UMAD1: variants seen among roughly 807,000 people sequenced by gnomAD.
UMAD1 encodes UBAP1-MVB12-associated (UMA)-domain containing protein 1.
Under a neutral mutation model 6.1 loss-of-function variants are expected in UMAD1, and 8 were observed. The ratio of observed to expected loss-of-function variants is 1.30; its 90% confidence interval spans 0.76 to 2.35. UMAD1 has a LOEUF of 2.35. Among genes scored for constraint, UMAD1 ranks in the 30% most tolerant of loss-of-function variants. UMAD1 has a pLI of 0.00. For missense variants in UMAD1, 130 were observed against 78.4 expected, an observed-to-expected ratio of 1.66 and a Z score of -2.49; for synonymous variants, 56 against 31.4, an observed-to-expected ratio of 1.78 and a Z score of -2.61.
chr7:7,694,017 C>A (rs1780244167), intron 2 of UMAD1, among the ~76,000 whole-genome samples: 1 of 152,062 alleles, frequency 6.6e-6, no homozygotes, highest in Admixed American at 6.5e-5. Flanking sequence ...TGATATAAGG[C>A]AACTGAGTTT....
At chr7:7,715,242 C>G (rs1228681685) in intron 2 of UMAD1, 1 of 152,072 alleles carries the variant, frequency 6.6e-6, no homozygotes, top group Non-Finnish European at 1.5e-5. Flanking sequence ...ACAAAGTGAA[C>G]TACAAGTAGG....
chr7:7,747,733 G>T (rs1781599148), intron 2 of UMAD1, among the ~76,000 whole-genome samples: 1 of 152,026 alleles, frequency 6.6e-6, no homozygotes, highest in South Asian at 2.1e-4. Context: ...AATCTTCATT[G>T]TTACCTGCTA....
chr7:7,654,902 CAA>C (rs71010994), intron 1 of UMAD1, among the ~76,000 whole-genome samples: 30 of 139,408 alleles, frequency 2.2e-4, no homozygotes, highest in Non-Finnish European at 2.2e-4. Context: ...GACTCTGTCT[CAA>C]AAAAAAAAAA....
At chr7:7,820,275 T>G (rs1469317406) in intron 3 of UMAD1, among the ~76,000 whole-genome samples, 1 of 152,130 alleles carries the variant, frequency 6.6e-6, no homozygotes, top group Non-Finnish European at 1.5e-5. Context: ...TTCTGACGTA[T>G]TTAACTTAAT....
intron 2 of UMAD1, among the ~76,000 whole-genome samples, chr7:7,705,969 T>C (rs764322485): frequency 3.3e-5 from 5 of 152,160 alleles, no homozygotes; most frequent in Non-Finnish European, 7.4e-5. Flanking sequence ...AAATAACCTC[T>C]GCTTTAAAAA....
At chr7:7,657,453 G>A (rs936994799) in intron 1 of UMAD1, among the ~76,000 whole-genome samples, 21 of 152,080 alleles carry the variant, frequency 1.4e-4, no homozygotes, top group Admixed American at 3.9e-4. Context: ...TACGTCTTAC[G>A]TTTAGGTCTT....
chr7:7,785,607 T>C (rs1460884409), intron 2 of UMAD1, among the ~76,000 whole-genome samples: 2 of 152,026 alleles, frequency 1.3e-5, no homozygotes, highest in African/African-American at 2.4e-5. Flanking sequence ...GGAGAACAAG[T>C]AGAGGAAGGG....
intron 2 of UMAD1, among the ~76,000 whole-genome samples, chr7:7,782,498 A>G (rs141865524): frequency 6.6e-6 from 1 of 151,988 alleles, no homozygotes; most frequent in Non-Finnish European, 1.5e-5. Flanking sequence ...TAGATAATAA[A>G]ATAATTTTTT....
chr7:7,703,853 G>A (rs2115158530), intron 2 of UMAD1, among the ~76,000 whole-genome samples: 1 of 152,174 alleles, frequency 6.6e-6, no homozygotes, highest in Middle Eastern at 3.4e-3. Context: ...GAGGTAGGAG[G>A]ATTGCTTGAG....
intron 2 of UMAD1, among the ~76,000 whole-genome samples, chr7:7,777,122 C>G (rs947835252): frequency 6.6e-6 from 1 of 152,058 alleles, no homozygotes; most frequent in Non-Finnish European, 1.5e-5. Context: ...TTTCTTTTGA[C>G]AGTTAGTATT....
At position 7,702,348 on chromosome 7, in the gene UMAD1, A is replaced by G. The variant is rs1780480851; in HGVS notation, c.82+28895A>G. Among the ~76,000 whole-genome samples, 3 of 152,316 alleles carry G rather than the reference A, an allele frequency of 2.0e-5. No homozygotes were observed. In the South Asian group the frequency reaches 6.2e-4, roughly 32 times the overall value. On this transcript the variant is annotated intron_variant, in intron 2 of 3. Coordinates refer to ENST00000682710, the MANE Select transcript of UMAD1 (RefSeq NM_001302348.2). ...GACTTTTAAGGAAAGATGAGACTAT[A>G]TTCAGTGCAGTTTTAATATGACATA... is the stretch of plus-strand genomic sequence containing the variant.
intron 2 of UMAD1, among the ~76,000 whole-genome samples, chr7:7,707,305 A>G (rs1477101158): frequency 1.3e-5 from 2 of 152,150 alleles, no homozygotes; most frequent in Non-Finnish European, 2.9e-5. Context: ...AACTCAGAAG[A>G]CTTCAGAAAA....
chr7:7,748,793 T>C (rs960777942), intron 2 of UMAD1, among the ~76,000 whole-genome samples: 1 of 151,888 alleles, frequency 6.6e-6, no homozygotes, highest in Non-Finnish European at 1.5e-5. Context: ...AAAATTCTTT[T>C]ATTTTTAGGA....
At chr7:7,645,137 T>C (rs1785064995) in intron 1 of UMAD1, among the ~76,000 whole-genome samples, 1 of 151,892 alleles carries the variant, frequency 6.6e-6, no homozygotes, top group African/African-American at 2.4e-5. Flanking sequence ...TTTCTATCAG[T>C]TTTTTTTGGA....
At chr7:7,719,478 A>C (rs892820348) in intron 2 of UMAD1, among the ~76,000 whole-genome samples, 2 of 152,232 alleles carry the variant, frequency 1.3e-5, no homozygotes, top group African/African-American at 4.8e-5. Flanking sequence ...TGTTTCTTCA[A>C]CTTGCCTCTG....
chr7:7,819,403 A>C (rs1012026915), intron 3 of UMAD1, among the ~76,000 whole-genome samples: 4 of 152,308 alleles, frequency 2.6e-5, no homozygotes, highest in Admixed American at 2.6e-4. Context: ...AATTACTAGA[A>C]GAATATAAGA....
At chr7:7,645,200 A>G (rs1471554999) in intron 1 of UMAD1, among the ~76,000 whole-genome samples, 3 of 152,118 alleles carry the variant, frequency 2.0e-5, no homozygotes, top group Non-Finnish European at 4.4e-5. Flanking sequence ...GAATTCTTAC[A>G]TATTTTATTT....
chr7:7,801,850 G>T, intron 3 of UMAD1, 107 bp downstream of exon 3: 1 of 651,662 alleles, frequency 1.5e-6, no homozygotes, highest in Admixed American at 2.5e-5. Flanking sequence ...TGCCATAGGT[G>T]CCTGAATACA....
intron 3 of UMAD1, among the ~76,000 whole-genome samples, chr7:7,838,012 C>T (rs1312710687): frequency 6.6e-6 from 1 of 151,884 alleles, no homozygotes; most frequent in Non-Finnish European, 1.5e-5. Context: ...TGTATGCCCC[C>T]AATAACAGAC....
Sources: allele counts gnomAD v4.1 joint callset (sites outside exome capture counted in the v4.1 genomes callset), GRCh38; gene constraint gnomAD v4.1.1; transcripts MANE v1.5; gene names NCBI Gene and HGNC (gene_info 2026-07-23, HGNC 2026-07-21).